Variants in ERP44 observed in about 807,000 individuals in gnomAD.
ERP44 encodes the protein endoplasmic reticulum resident protein 44.
In ERP44, 25 loss-of-function variants were observed where a neutral mutation model predicts 53.4. That is an observed-to-expected ratio of 0.47 (90% CI 0.34 to 0.65). ERP44 has a LOEUF of 0.65. ERP44 is among the 30% of genes least tolerant of loss of function. The pLI is 0.01. For missense variants in ERP44, 338 were observed against 493.2 expected (o/e 0.69, Z 2.98); for synonymous variants, 145 against 161.2 (o/e 0.90, Z 0.76).
chr9:100,031,032 C>A (rs917260206), intron 4 of ERP44, among the ~76,000 whole-genome samples: 1 of 152,088 alleles, frequency 6.6e-6, no homozygotes, highest in Non-Finnish European at 1.5e-5. Context: ...GCTACTGTAG[C>A]GAATCTGGTG....
At chr9:99,996,981 GTA>G (rs1227887127) in intron 10 of ERP44, among the ~76,000 whole-genome samples, 45 of 102,076 alleles carry the variant, frequency 4.4e-4, no homozygotes, top group African/African-American at 1.3e-3. Flanking sequence ...ACACACGTAT[GTA>G]TATGTGTGTG....
At chr9:100,064,981 T>C (rs765123323) in intron 1 of ERP44, among the ~76,000 whole-genome samples, 5 of 152,194 alleles carry the variant, frequency 3.3e-5, no homozygotes, top group Non-Finnish European at 5.9e-5. Context: ...AGCTAGTTAA[T>C]TTAGTATTAA....
intron 1 of ERP44, among the ~76,000 whole-genome samples, chr9:100,094,620 T>C (rs574499688): frequency 1.3e-5 from 2 of 151,982 alleles, no homozygotes; most frequent in Admixed American, 1.3e-4. Flanking sequence ...ATGGTGCCAC[T>C]GCACTGCAGC....
At chr9:100,008,731 T>A (rs142043189) in intron 8 of ERP44, among the ~76,000 whole-genome samples, 168 of 152,308 alleles carry the variant, frequency 1.1e-3, no homozygotes, top group African/African-American at 2.1e-3. Context: ...TTTATTTTTT[T>A]AAAAAACTGA....
intron 1 of ERP44, among the ~76,000 whole-genome samples, chr9:100,084,829 G>A (rs1437998301): frequency 1.3e-5 from 2 of 152,166 alleles, no homozygotes; most frequent in East Asian, 3.8e-4. Context: ...TGCATTAGAA[G>A]TAAGAGCTAA....
At chr9:100,009,480 C>A (rs1179135940) in intron 8 of ERP44, among the ~76,000 whole-genome samples, 3 of 152,116 alleles carry the variant, frequency 2.0e-5, no homozygotes, top group Admixed American at 6.5e-5. Context: ...TCTCCCCTCT[C>A]CCCACCCCCT....
chr9:100,052,346 G>GA (rs1030308517), intron 4 of ERP44, 71 bp downstream of exon 4: 3 of 677,196 alleles, frequency 4.4e-6, no homozygotes, highest in Non-Finnish European at 4.7e-6. Context: ...GAAAAGAAAA[G>GA]AAAAAATGTG....
intron 8 of ERP44, 56 bp downstream of exon 8, chr9:100,016,266 C>T (rs926210776): frequency 6.5e-7 from 1 of 1,541,674 alleles, no homozygotes; most frequent in Non-Finnish European, 8.7e-7. Flanking sequence ...GTGGAGGAAG[C>T]TTGTGGTTTC....
intron 4 of ERP44, among the ~76,000 whole-genome samples, chr9:100,029,839 C>T (rs951301227): frequency 2.0e-5 from 3 of 152,160 alleles, no homozygotes; most frequent in Non-Finnish European, 4.4e-5. Flanking sequence ...CCTGTAATCC[C>T]AGCACTTTGG....
At chr9:100,096,197 T>C (rs2118767832) in intron 1 of ERP44, among the ~76,000 whole-genome samples, 1 of 152,238 alleles carries the variant, frequency 6.6e-6, no homozygotes, top group East Asian at 1.9e-4. Flanking sequence ...AATTTAGTCT[T>C]ATTTCTCTTA....
chr9:99,983,246 C>G (rs2118594415), intron 11 of ERP44, among the ~76,000 whole-genome samples: 1 of 152,246 alleles, frequency 6.6e-6, no homozygotes, highest in South Asian at 2.1e-4. Context: ...GACAAAAATA[C>G]ACAGTGAAAC....
At chr9:100,031,030 A>G (rs1825781176) in intron 4 of ERP44, among the ~76,000 whole-genome samples, 1 of 152,170 alleles carries the variant, frequency 6.6e-6, no homozygotes, top group Non-Finnish European at 1.5e-5. Flanking sequence ...TGGCTACTGT[A>G]GCGAATCTGG....
At chr9:100,019,001 TC>T in intron 6 of ERP44, among the ~76,000 whole-genome samples, 1 of 152,266 alleles carries the variant, frequency 6.6e-6, no homozygotes, top group Admixed American at 6.5e-5. Flanking sequence ...AACAAAACTA[TC>T]AAAACTCTCT....
intron 4 of ERP44, among the ~76,000 whole-genome samples, chr9:100,043,307 G>C (rs568010244): frequency 2.4e-4 from 23 of 96,058 alleles, no homozygotes; most frequent in South Asian, 8.9e-4. Flanking sequence ...ATAAGACATA[G>C]TATTTGCTAG....
intron 10 of ERP44, among the ~76,000 whole-genome samples, chr9:100,005,429 G>A (rs1307007742): frequency 6.6e-6 from 1 of 152,230 alleles, no homozygotes; most frequent in African/African-American, 2.4e-5. Context: ...TCATACAGAA[G>A]AGATAGCTAA....
At chr9:100,052,677 C>A (rs1379261785) in intron 3 of ERP44, 145 bp from the exon 4 acceptor site, 2 of 509,268 alleles carry the variant, frequency 3.9e-6, no homozygotes, top group African/African-American at 2.0e-5. Context: ...TGGACCCTGA[C>A]ATCGTTCAAT....
At chr9:99,987,237 A>C (rs1008017817) in intron 10 of ERP44, among the ~76,000 whole-genome samples, 2 of 152,234 alleles carry the variant, frequency 1.3e-5, no homozygotes, top group East Asian at 3.8e-4. Flanking sequence ...GCCAGAAACT[A>C]TCCATCATTA....
At chr9:100,012,963 A>G (rs1225596246) in intron 8 of ERP44, among the ~76,000 whole-genome samples, 1 of 152,178 alleles carries the variant, frequency 6.6e-6, no homozygotes, top group African/African-American at 2.4e-5. Context: ...AAGTGTTGGA[A>G]ATGGCAATGG....
At chr9:99,991,797 G>A (rs1388056035) in intron 10 of ERP44, among the ~76,000 whole-genome samples, 2 of 151,634 alleles carry the variant, frequency 1.3e-5, no homozygotes, top group African/African-American at 4.9e-5. Flanking sequence ...AAAGAGAGAA[G>A]AATCAAATAG....
Sources: gnomAD v4.1 joint callset for allele counts (sites outside exome capture counted in the v4.1 genomes callset) on GRCh38, gnomAD v4.1.1 for gene constraint, MANE v1.5 for transcripts, NCBI Gene and HGNC (gene_info 2026-07-23, HGNC 2026-07-21) for gene names.